The following SLC31A1 variants were observed in gnomAD, a reference collection of about 807,000 sequenced individuals.
The protein encoded by SLC31A1 is solute carrier family 31 member 1.
SLC31A1 carries 5 observed loss-of-function variants against 17.2 expected under a neutral mutation model. That is an observed-to-expected ratio of 0.29 (90% confidence interval 0.15 to 0.61). SLC31A1 has a LOEUF of 0.61. SLC31A1 is among the 20% of genes least tolerant of loss of function. The pLI is 0.86. For missense variants in SLC31A1, 161 were observed against 241.4 expected, an observed-to-expected ratio of 0.67 and a Z score of 2.21; for synonymous variants, 76 against 78.8, an observed-to-expected ratio of 0.96 and a Z score of 0.19.
intron 1 of SLC31A1, among the ~76,000 whole-genome samples, chr9:113,246,650 C>T (rs1293706004): frequency 1.3e-5 from 2 of 151,008 alleles, no homozygotes; most frequent in African/African-American, 4.9e-5. Flanking sequence ...TGCACGCGGC[C>T]GATAATTTTT....
chr9:113,249,660 C>T (rs1025837705), intron 1 of SLC31A1, among the ~76,000 whole-genome samples: 6 of 152,150 alleles, frequency 3.9e-5, no homozygotes, highest in African/African-American at 1.4e-4. Context: ...GCCACCACAC[C>T]CGGCCACAGT....
In SLC31A1 at chr9:113,258,575, T is replaced by C. The variant is rs115901881; in HGVS notation, c.203-119T>C. The C allele has an allele frequency of 2.6e-3, 2,856 of 1,085,520 alleles. 56 individuals carry two copies. The African/African-American group carries it at 0.04, about 15-fold the overall frequency. The allele number at this position is 1,085,520 out of a possible 1,614,324, so 67.2% of individuals were successfully genotyped here. ...CTGAGCAAGAGAAGAGGTAAAAATA[T>C]AATGTCTTCAAAAGCTGAGAGTAGC... On this transcript the variant is annotated intron_variant, in intron 3 of 4. Transcript: ENST00000374212. The surrounding 1 kb of genome is among the most constrained non-coding windows in gnomAD (Gnocchi z 4.8).
intron 4 of SLC31A1, 70 bp from the exon 5 acceptor site, chr9:113,260,202 C>G (rs1831775757): frequency 1.3e-4 from 177 of 1,323,036 alleles, no homozygotes; most frequent in Middle Eastern, 1.8e-4. Context: ...GGCAAGAACT[C>G]TTCCCTCTTT....
At chr9:113,238,627 T>C (rs1293111761) in intron 1 of SLC31A1, among the ~76,000 whole-genome samples, 1 of 152,152 alleles carries the variant, frequency 6.6e-6, no homozygotes, top group African/African-American at 2.4e-5. Context: ...CCGGGTATGG[T>C]GGCACACGCC....
intron 1 of SLC31A1, among the ~76,000 whole-genome samples, chr9:113,236,618 T>C (rs1831463910): frequency 6.6e-6 from 1 of 152,144 alleles, no homozygotes; most frequent in East Asian, 1.9e-4. Context: ...CACCTTGGCC[T>C]CCCAAAGTGC....
chr9:113,260,592 C>CACAA lies in SLC31A1; in HGVS notation c.*122_*123insAACA, dbSNP rs1453072473. On this transcript the variant is annotated 3_prime_UTR_variant, in exon 5 of 5. Transcript: ENST00000374212. ...CTCTTTGTGCACGTACACACACACA[C>CACAA]ACACACACACACACACACACCCCTG... The CACAA allele has an allele frequency of 1.4e-6, 1 of 732,114 alleles. No homozygotes were observed. Among genetic ancestry groups the CACAA allele is most frequent in the African/African-American group, 1.7e-5 (1 of 57,578 alleles). The allele number at this position is 732,114 out of a possible 1,614,324, so 45.4% of individuals were successfully genotyped here. A position where few individuals can be genotyped will look rare whatever the true frequency, so the allele number is the denominator to read the frequency against.
intron 3 of SLC31A1, 127 bp downstream of exon 3, chr9:113,257,312 C>G: frequency 8.3e-6 from 7 of 846,938 alleles, no homozygotes; most frequent in African/African-American, 1.7e-5. Flanking sequence ...GCATAACCAT[C>G]TTGGTTCCTA....
chr9:113,245,639 T>TG (rs1269952570), intron 1 of SLC31A1, among the ~76,000 whole-genome samples: 2 of 144,166 alleles, frequency 1.4e-5, no homozygotes, highest in Non-Finnish European at 3.1e-5. Context: ...TGCCACTAAG[T>TG]TTTTTTTTTT....
intron 1 of SLC31A1, among the ~76,000 whole-genome samples, chr9:113,222,575 G>C (rs1340738088): frequency 6.6e-6 from 1 of 152,150 alleles, no homozygotes; most frequent in African/African-American, 2.4e-5. Flanking sequence ...AGTCAGGTTG[G>C]TACTACAGGT....
chr9:113,260,404 CG>C lies in SLC31A1; in HGVS notation c.506del (p.Gly169ValfsTer14). 6.2e-7 allele frequency: 1 copy of C among 1,614,136 alleles called. No homozygotes were observed. The highest frequency in any genetic ancestry group is 8.5e-7 in the Non-Finnish European group (1 of 1,180,012). On this transcript the variant is annotated frameshift_variant, in exon 5 of 5. Coordinates refer to ENST00000374212, the MANE Select transcript of SLC31A1 (RefSeq NM_001859.4). LOFTEE classifies it high-confidence loss of function. ...TCTGCATTGCAGTAGCAGCAGGGGC[CG>C]GTACAGGATACTTCCTCTTCAGCTG... The part of the protein sequence containing the change: ...YLCIAVAAGA[G>X]TGYFLFSWKK...
At chr9:113,234,209 T>G (rs928458577) in intron 1 of SLC31A1, among the ~76,000 whole-genome samples, 10 of 152,096 alleles carry the variant, frequency 6.6e-5, no homozygotes, top group Non-Finnish European at 1.3e-4. Context: ...ACTTTTTTTT[T>G]TTATTTTTTG....
intron 1 of SLC31A1, among the ~76,000 whole-genome samples, chr9:113,224,789 A>G (rs1831323034): frequency 6.6e-6 from 1 of 152,226 alleles, no homozygotes; most frequent in Admixed American, 6.5e-5. Flanking sequence ...AGAAATAACT[A>G]CTAGAGAGTC....
intron 1 of SLC31A1, among the ~76,000 whole-genome samples, chr9:113,253,958 C>CTTCTT (rs1831691092): frequency 9.1e-6 from 1 of 110,418 alleles, no homozygotes; most frequent in Non-Finnish European, 1.8e-5. Flanking sequence ...TACCCACAGT[C>CTTCTT]TTTTTTTTTT....
At chr9:113,236,697 T>G (rs1831464757) in intron 1 of SLC31A1, among the ~76,000 whole-genome samples, 1 of 152,238 alleles carries the variant, frequency 6.6e-6, no homozygotes, top group African/African-American at 2.4e-5. Context: ...CCTAAACTTT[T>G]CAGACCGAAA....
chr9:113,234,685 T>G (rs1286789392), intron 1 of SLC31A1, among the ~76,000 whole-genome samples: 2 of 151,996 alleles, frequency 1.3e-5, no homozygotes, highest in Non-Finnish European at 2.9e-5. Context: ...TTCAGTGGTG[T>G]GGCATAGGGT....
intron 1 of SLC31A1, among the ~76,000 whole-genome samples, chr9:113,248,420 C>T (rs1428103513): frequency 2.0e-5 from 3 of 149,132 alleles, no homozygotes; most frequent in African/African-American, 4.9e-5. Flanking sequence ...ACTTCATGGT[C>T]TCAGGAAATC....
chr9:113,248,446 A>G (rs1164371200), intron 1 of SLC31A1, among the ~76,000 whole-genome samples: 1 of 149,404 alleles, frequency 6.7e-6, no homozygotes, highest in Non-Finnish European at 1.5e-5. Context: ...AGGCAGAAAG[A>G]TACTTGAAAG....
chr9:113,229,190 A>G (rs1289645092), intron 1 of SLC31A1, among the ~76,000 whole-genome samples: 1 of 152,218 alleles, frequency 6.6e-6, no homozygotes, highest in Non-Finnish European at 1.5e-5. Context: ...TATGGTTTGT[A>G]ATTCAAAAAG....
intron 1 of SLC31A1, among the ~76,000 whole-genome samples, chr9:113,238,042 C>T (rs1831482212): frequency 6.6e-6 from 1 of 152,170 alleles, no homozygotes; most frequent in Non-Finnish European, 1.5e-5. Context: ...GGTCTTTTCT[C>T]CCCTCTTTTT....
Sources: gnomAD v4.1 joint callset for allele counts (sites outside exome capture counted in the v4.1 genomes callset) on GRCh38, gnomAD v4.1.1 for gene constraint, Gnocchi (gnomAD v3.1) non-coding constraint, MANE v1.5 for transcripts, NCBI Gene and HGNC (gene_info 2026-07-23, HGNC 2026-07-21) for gene names.